Variants in METRNL observed in about 807,000 individuals in gnomAD.
The protein encoded by METRNL is meteorin-like protein.
Under a neutral mutation model 17.4 loss-of-function variants are expected in METRNL, and 9 were observed. The ratio of observed to expected loss-of-function variants is 0.52; its 90% confidence interval spans 0.31 to 0.90. The LOEUF is 0.90. Ranked by LOEUF, METRNL falls within the 40% of genes least tolerant of loss-of-function variation. METRNL has a pLI of 0.05. For missense variants in METRNL, 408 were observed against 430.7 expected, an observed-to-expected ratio of 0.95 and a Z score of 0.47; for synonymous variants, 215 against 199.3, an observed-to-expected ratio of 1.08 and a Z score of -0.66.
At chr17:83,091,484 T>G (rs1321768511) in intron 2 of METRNL, among the ~76,000 whole-genome samples, 1 of 152,192 alleles carries the variant, frequency 6.6e-6, no homozygotes, top group Non-Finnish European at 1.5e-5. Context: ...GTTGACCACA[T>G]GTGCAGGCCC....
At chr17:83,083,524 T>C (rs1447683084) in intron 1 of METRNL, among the ~76,000 whole-genome samples, 1 of 151,950 alleles carries the variant, frequency 6.6e-6, no homozygotes, top group Non-Finnish European at 1.5e-5. Context: ...CCCACACACG[T>C]GTTAGATGAG....
chr17:83,091,592 A>G (rs4986079), intron 2 of METRNL, among the ~76,000 whole-genome samples: 58,672 of 151,522 alleles, frequency 0.39, 11,657 homozygotes, highest in African/African-American at 0.5. Flanking sequence ...GTCCCCTGGG[A>G]CCCCCAGTCA....
intron 1 of METRNL, among the ~76,000 whole-genome samples, chr17:83,081,597 C>T (rs1328225587): frequency 1.3e-5 from 2 of 152,236 alleles, no homozygotes; most frequent in South Asian, 2.1e-4. Flanking sequence ...GCGCACCCTC[C>T]TGTCTACCTG....
rs370111256 is a variant in METRNL, at chr17:83,089,247, T to C, written c.557-3920T>C. On this transcript the variant is annotated intron_variant, in intron 2 of 3. Transcript: ENST00000320095. ...ACCCCTACCCACTGCTCCCTGTTCT[T>C]GGCTCCTCTGAAAGCACCTTATCCC... is the stretch of plus-strand genomic sequence containing the variant. Among the ~76,000 whole-genome samples, 583 of 152,244 alleles carry C rather than the reference T, an allele frequency of 3.8e-3. 6 individuals are homozygous for C. The highest frequency in any genetic ancestry group is 0.012 in the African/African-American group (519 of 41,546).
rs370685670 is a variant in METRNL at position 83,094,563 on chromosome 17, T to C, written c.924T>C (p.Val308=). The C allele has an allele frequency of 6.8e-7, 1 of 1,474,094 alleles. No homozygotes were observed. Among genetic ancestry groups the C allele is most frequent in the African/African-American group, 1.4e-5 (1 of 71,286 alleles). 91.3% of individuals were successfully genotyped at this position (1,474,094 alleles called of 1,614,324 possible). A position where few individuals can be genotyped will look rare whatever the true frequency, so the allele number is the denominator to read the frequency against. ...AGAGGGGGCTGAACCCTTGTGAGGT[T>C]GGCACGGACTGACTCCGTGGGCCGC... ...AQERGLNPCE[V]GTD The change falls in exon 4 of 4, where the codon GTT becomes GTC. Residue 308 remains valine, a synonymous_variant. Transcript: ENST00000320095.
At chr17:83,086,678 C>T (rs1351329033) in intron 2 of METRNL, among the ~76,000 whole-genome samples, 2 of 152,314 alleles carry the variant, frequency 1.3e-5, no homozygotes, top group South Asian at 2.1e-4. Context: ...GTCTTGAAGA[C>T]GTTGGGCTGC....
rs776775398 is a variant in METRNL, at chr17:83,079,956, C to T, written c.141C>T (p.Tyr47=). ...TGCTGGGCGGCGCGGGCGCGCAGTA[C>T]TCCAGCGACCGGTGCAGCTGGAAGG... The part of the protein sequence containing the change: ...AGLLGGAGAQ[Y]SSDRCSWKGS... The change falls in exon 1 of 4, where the codon TAC becomes TAT. Residue 47 remains tyrosine (Y), a synonymous_variant. Coordinates refer to ENST00000320095, the MANE Select transcript of METRNL (RefSeq NM_001004431.3). 27 of 1,014,584 alleles carry T rather than the reference C, an allele frequency of 2.7e-5. No individual in the cohort carries two copies. The highest frequency in any genetic ancestry group is 1.2e-4 in the Admixed American group (2 of 16,962). 62.8% of individuals were successfully genotyped at this position (1,014,584 alleles called of 1,614,324 possible).
rs1189722185 is a variant in METRNL, at chr17:83,085,137, AC to A, written c.371del (p.Thr124MetfsTer4). ...GGGGGCCAATATTTATTTGGAAAAA[AC>A]TGGAGAACTGAGACTGCTGGTACCA... ...SSGANIYLEK[T>X]GELRLLVPDG... On this transcript the variant is annotated frameshift_variant, in exon 2 of 4. Transcript: ENST00000320095. LOFTEE classifies it high-confidence loss of function. 1 of 1,613,528 alleles carries A rather than the reference AC, an allele frequency of 6.2e-7. No individual in the cohort carries two copies. The highest frequency in any genetic ancestry group is 8.5e-7 in the Non-Finnish European group (1 of 1,179,956).
chr17:83,079,768 T>TC lies in METRNL; in HGVS notation c.-46dup, dbSNP rs554316782. The TC allele has an allele frequency of 3.1e-3, 2,863 of 929,152 alleles. 70 individuals are homozygous for TC. In the African/African-American group the frequency reaches 0.049, roughly 16 times the overall value. 57.6% of individuals were successfully genotyped at this position (929,152 alleles called of 1,614,324 possible). ...CCGGCTCGCCGGCTCCGGGGTCTGC[T>TC]CCGGGGGTCGCGGACGCGGGGCCGG... On this transcript the variant is annotated 5_prime_UTR_variant, in exon 1 of 4. Transcript: ENST00000320095.
intron 2 of METRNL, among the ~76,000 whole-genome samples, chr17:83,089,191 G>A (rs1010136861): frequency 6.6e-6 from 1 of 152,058 alleles, no homozygotes; most frequent in Non-Finnish European, 1.5e-5. Flanking sequence ...GCTCAGCCTT[G>A]GGTCCTCGAG....
At chr17:83,086,309 G>C (rs979868315) in intron 2 of METRNL, among the ~76,000 whole-genome samples, 1 of 152,222 alleles carries the variant, frequency 6.6e-6, no homozygotes, top group Non-Finnish European at 1.5e-5. Flanking sequence ...AGGACCGTCT[G>C]CCTGGAGTCC....
At chr17:83,080,600 AC>A (rs2037973696) in intron 1 of METRNL, among the ~76,000 whole-genome samples, 3 of 28,074 alleles carry the variant, frequency 1.1e-4, no homozygotes, top group South Asian at 2.5e-3. Flanking sequence ...GCGGCCGAGG[AC>A]TTTTTTTTTT....
intron 1 of METRNL, 88 bp downstream of exon 1, chr17:83,080,073 C>T: frequency 1.2e-6 from 1 of 823,738 alleles, no homozygotes; most frequent in Non-Finnish European, 1.5e-6. Context: ...GGGGCGCGGC[C>T]GGGGGCGGGC....
intron 2 of METRNL, among the ~76,000 whole-genome samples, chr17:83,090,379 ACACACCCCCCCACACACACACC>A (rs2038111718): frequency 2.0e-4 from 1 of 5,064 alleles, no homozygotes; most frequent in Non-Finnish European, 2.9e-4. Context: ...CCACACACAC[ACACACCCCCCCACACACACACC>A]CCCCGCCCCA....
chr17:83,084,148 G>A (rs1040433172), intron 1 of METRNL: 2 of 152,176 alleles, frequency 1.3e-5, no homozygotes, highest in Admixed American at 6.5e-5. Flanking sequence ...AGTTCGCCTC[G>A]CTTTTGTGGT....
Position 83,094,284 on chromosome 17 carries a change from C to T in METRNL, c.645C>T (p.Thr215=), listed in dbSNP as rs149044174. The change falls in exon 4 of 4, where the codon ACC becomes ACT. Residue 215 remains threonine, a synonymous_variant. Transcript: ENST00000320095. ...FAVRGSIQQV[T]HEPERQDSAI... ...TTCGAGGCTCCATCCAGCAAGTTAC[C>T]CACGAGCCTGAGCGGCAGGACTCAG... 2 of 1,584,284 alleles carry T rather than the reference C, an allele frequency of 1.3e-6. No individual in the cohort carries two copies. Among genetic ancestry groups the T allele is most frequent in the Non-Finnish European group, 1.7e-6 (2 of 1,158,168 alleles).
chr17:83,088,571 G>T (rs377345425), intron 2 of METRNL, among the ~76,000 whole-genome samples: 2 of 152,306 alleles, frequency 1.3e-5, no homozygotes, highest in East Asian at 3.9e-4. Flanking sequence ...CAGGTGCCCA[G>T]GGCCGGGCAG....
intron 1 of METRNL, among the ~76,000 whole-genome samples, chr17:83,081,223 G>C (rs1017871148): frequency 6.6e-6 from 1 of 151,778 alleles, no homozygotes; most frequent in Non-Finnish European, 1.5e-5. Context: ...GGGAGCCTCC[G>C]AGGCCGACGG....
Position 83,094,765 on chromosome 17 carries a change from C to G in METRNL, c.*190C>G. On this transcript the variant is annotated 3_prime_UTR_variant, in exon 4 of 4. Transcript: ENST00000320095. ...CCATGAGCTTCCAGCCAAGGATGCC[C>G]TGGCCGATTGGAAATGCTGTAAAAT... The G allele has an allele frequency of 2.4e-6, 1 of 412,938 alleles. No homozygotes were observed. Among genetic ancestry groups the G allele is most frequent in the Non-Finnish European group, 4.2e-6 (1 of 238,926 alleles). 25.6% of individuals were successfully genotyped at this position (412,938 alleles called of 1,614,324 possible).
Sources: allele counts gnomAD v4.1 joint callset (sites outside exome capture counted in the v4.1 genomes callset), GRCh38; gene constraint gnomAD v4.1.1; transcripts MANE v1.5; gene names NCBI Gene and HGNC (gene_info 2026-07-23, HGNC 2026-07-21).